PABPC4L: variants seen among roughly 807,000 people sequenced by gnomAD.
PABPC4L encodes the protein poly(A) binding protein cytoplasmic 4 like.
For missense variants in PABPC4L, 452 were observed against 451.4 expected (o/e 1.00, Z -0.01); for synonymous variants, 169 against 164.1 (o/e 1.03, Z -0.23).
Position 134,200,997 on chromosome 4 carries a change from C to A in PABPC4L, c.23G>T (p.Arg8Leu), listed in dbSNP as rs369585514. 5 of 1,551,984 alleles carry A rather than the reference C, an allele frequency of 3.2e-6. No individual in the cohort carries two copies. Among genetic ancestry groups the A allele is most frequent in the East Asian group, 2.4e-5 (1 of 40,932 alleles). The change falls in exon 2 of 2, where the codon CGC becomes CTC. Residue 8 changes from arginine to leucine, a missense_variant. Transcript: ENST00000421491. The part of the protein sequence containing the change: MNVAAKY[R>L]MASLYVGDLH... ...GTCACCCACATACAGGGAGGCCATG[C>A]GGTACTTGGCTGCTACATTCATCTC...
the PABPC4L span, among the ~76,000 whole-genome samples, chr4:133,971,805 C>T: frequency 6.6e-6 from 1 of 152,112 alleles, no homozygotes; most frequent in Non-Finnish European, 1.5e-5. Context: ...TTTTTCTCCC[C>T]GTTTTCATGT....
At chr4:134,001,082 T>A in the PABPC4L span, among the ~76,000 whole-genome samples, 2 of 151,960 alleles carry the variant, frequency 1.3e-5, no homozygotes, top group African/African-American at 2.4e-5. Context: ...TTACGTAACG[T>A]TTTCAACAGC....
At chr4:134,143,934 CT>C in the PABPC4L span, among the ~76,000 whole-genome samples, 1 of 151,388 alleles carries the variant, frequency 6.6e-6, no homozygotes, top group Non-Finnish European at 1.5e-5. Flanking sequence ...GCATATTTTA[CT>C]TATGACAACT....
the PABPC4L span, among the ~76,000 whole-genome samples, chr4:133,988,262 C>T: frequency 6.6e-6 from 1 of 152,150 alleles, no homozygotes; most frequent in African/African-American, 2.4e-5. Flanking sequence ...AAAGTCTGAA[C>T]TCATTTCAGC....
At chr4:134,154,807 G>A in the PABPC4L span, among the ~76,000 whole-genome samples, 6 of 151,902 alleles carry the variant, frequency 3.9e-5, no homozygotes, top group African/African-American at 1.4e-4. Context: ...TCAGGATTAT[G>A]TGAGCTACTG....
At chr4:134,006,433 C>G in the PABPC4L span, among the ~76,000 whole-genome samples, 1 of 151,832 alleles carries the variant, frequency 6.6e-6, no homozygotes, top group South Asian at 2.1e-4. Flanking sequence ...TCCTTCTCCT[C>G]CTCTTAAGAA....
Position 134,200,723 on chromosome 4 carries a change from G to A in PABPC4L, c.297C>T (p.Asn99=), listed in dbSNP as rs1312759238. The A allele has an allele frequency of 3.2e-6, 5 of 1,551,530 alleles. No individual in the cohort carries two copies. Among genetic ancestry groups the A allele is most frequent in the South Asian group, 1.2e-5 (1 of 84,066 alleles). Residue 99 remains asparagine (N), a synonymous_variant, in exon 2 of 2, where the codon AAC becomes AAT. Transcript: ENST00000421491. ...DAYLRRSGIG[N]VFIKNLDKSI... The stretch of plus-strand genomic sequence containing the variant: ...ATTTGTCCAGATTCTTGATGAATAC[G>A]TTCCCAATTCCAGATCTCCTCAAGT...
At chr4:134,096,967 T>C in the PABPC4L span, among the ~76,000 whole-genome samples, 1 of 151,934 alleles carries the variant, frequency 6.6e-6, no homozygotes, top group African/African-American at 2.4e-5. Flanking sequence ...TATGGAGCAA[T>C]TATCCATGGA....
the PABPC4L span, among the ~76,000 whole-genome samples, chr4:134,142,892 G>A: frequency 2.7e-4 from 41 of 151,654 alleles, no homozygotes; most frequent in Middle Eastern, 3.4e-3. Context: ...AGCACTTAAC[G>A]TATTTCTTCC....
chr4:134,154,612 C>T, the PABPC4L span, among the ~76,000 whole-genome samples: 1 of 152,002 alleles, frequency 6.6e-6, no homozygotes, highest in Non-Finnish European at 1.5e-5. Flanking sequence ...CCTTTTAAAA[C>T]TTCACATTTG....
the PABPC4L span, among the ~76,000 whole-genome samples, chr4:134,159,538 C>T: frequency 1.3e-5 from 2 of 152,064 alleles, no homozygotes; most frequent in African/African-American, 2.4e-5. Context: ...CAGTGCTACC[C>T]TATCATAGGG....
chr4:133,993,781 A>G, the PABPC4L span, among the ~76,000 whole-genome samples: 1 of 152,162 alleles, frequency 6.6e-6, no homozygotes, highest in Admixed American at 6.5e-5. Context: ...AGTCGGCTTG[A>G]TTATTGCCAA....
At chr4:134,003,265 A>C in the PABPC4L span, among the ~76,000 whole-genome samples, 4 of 152,010 alleles carry the variant, frequency 2.6e-5, no homozygotes, top group Admixed American at 2.6e-4. Flanking sequence ...GTATATTCAC[A>C]TGTCCATTAG....
the PABPC4L span, among the ~76,000 whole-genome samples, chr4:134,040,758 G>C: frequency 1.3e-5 from 2 of 152,116 alleles, no homozygotes; most frequent in Non-Finnish European, 2.9e-5. Flanking sequence ...CTTCTGCACA[G>C]CAAAAGAAAC....
chr4:134,058,017 T>C, the PABPC4L span, among the ~76,000 whole-genome samples: 3 of 151,976 alleles, frequency 2.0e-5, no homozygotes, highest in Non-Finnish European at 4.4e-5. Context: ...AAACAGCATT[T>C]TTAAATATGA....
At chr4:134,152,087 A>G in the PABPC4L span, among the ~76,000 whole-genome samples, 1 of 151,892 alleles carries the variant, frequency 6.6e-6, no homozygotes, top group Non-Finnish European at 1.5e-5. Flanking sequence ...CAAGTGCCTT[A>G]TATAATCTGA....
the PABPC4L span, among the ~76,000 whole-genome samples, chr4:134,045,489 T>C: frequency 6.6e-6 from 1 of 152,244 alleles, no homozygotes; most frequent in East Asian, 1.9e-4. Context: ...AGTGTACACA[T>C]AGTTATTATA....
chr4:134,013,713 C>G, the PABPC4L span, among the ~76,000 whole-genome samples: 9 of 152,128 alleles, frequency 5.9e-5, no homozygotes, highest in Admixed American at 5.2e-4. Context: ...CCCAATGCAA[C>G]TCCTCCCAAA....
At chr4:134,106,702 T>C in the PABPC4L span, among the ~76,000 whole-genome samples, 1 of 151,516 alleles carries the variant, frequency 6.6e-6, no homozygotes, top group African/African-American at 2.4e-5. Context: ...GAAAGTACAT[T>C]ATGGAAGATT....
Sources: gnomAD v4.1 joint callset for allele counts (sites outside exome capture counted in the v4.1 genomes callset) on GRCh38, gnomAD v4.1.1 for gene constraint, MANE v1.5 for transcripts, NCBI Gene and HGNC (gene_info 2026-07-23, HGNC 2026-07-21) for gene names.